The following SLCO1A2 variants were observed in gnomAD, a reference collection of about 807,000 sequenced individuals.
SLCO1A2 encodes the protein OATP-1.
A neutral mutation model predicts 69.0 loss-of-function variants in SLCO1A2; 67 were observed. The ratio of observed to expected loss-of-function variants is 0.97; its 90% CI spans 0.80 to 1.19. The LOEUF (loss-of-function observed/expected upper bound fraction) is 1.19. Among genes scored for constraint, SLCO1A2 ranks in the 50% most tolerant of loss-of-function variants. SLCO1A2 has a pLI of 0.00. For synonymous variants in SLCO1A2, 260 were observed against 265.9 expected (o/e 0.98, Z 0.22); for missense variants, 787 against 793.7 (o/e 0.99, Z 0.10).
Position 21,347,665 on chromosome 12 carries a change from A to AAAGAAAGGAAGGAAGG in SLCO1A2, c.-62-12972_-62-12957dup, listed in dbSNP as rs1555122057. Among the ~76,000 whole-genome samples the AAAGAAAGGAAGGAAGG allele has an allele frequency of 9.4e-4, 6 of 6,406 alleles. No individual in the cohort carries two copies. The East Asian group carries it at 0.017, about 18-fold the overall frequency. 4.2% of individuals were successfully genotyped at this position (6,406 alleles called of 152,430 possible). On this transcript the variant is annotated intron_variant, in intron 2 of 15. Coordinates refer to the SLCO1A2 transcript ENST00000307378. ...CTCTGGAAAGAAGGAAAGAAGAAAG[A>AAAGAAAGGAAGGAAGG]AAGAAAGGAAGGAAGGAAGGAAGGA...
At chr12:21,347,704 GAAAA>G (rs1176691266) in intron 2 of SLCO1A2, among the ~76,000 whole-genome samples, 2 of 142,976 alleles carry the variant, frequency 1.4e-5, no homozygotes, top group Non-Finnish European at 3.1e-5. Context: ...AAGGAAGAAG[GAAAA>G]AAGGAAGGAA....
intron 2 of SLCO1A2, among the ~76,000 whole-genome samples, chr12:21,366,422 C>T (rs1939390089): frequency 6.6e-6 from 1 of 152,012 alleles, no homozygotes; most frequent in East Asian, 1.9e-4. Flanking sequence ...GGAGGGATAG[C>T]ATTAGGAGAT....
intron 1 of SLCO1A2, chr12:21,379,993 A>C (rs771277860): frequency 6.6e-6 from 1 of 152,296 alleles, no homozygotes; most frequent in Non-Finnish European, 1.5e-5. Context: ...TGTGATGCTC[A>C]ATTGTTGGTC....
At position 21,275,230 on chromosome 12, in the gene SLCO1A2, A is replaced by C. The variant is rs1049690632; in HGVS notation, c.1675+130T>G. 9 of 886,282 alleles carry C rather than the reference A, an allele frequency of 1.0e-5. No individual in the cohort carries two copies. In the African/African-American group the frequency reaches 1.4e-4, roughly 14 times the overall value. The allele number at this position is 886,282 out of a possible 1,614,324, so 54.9% of individuals were successfully genotyped here. On this transcript the variant is annotated intron_variant, in intron 13 of 14. Coordinates refer to ENST00000683939, the MANE Select transcript of SLCO1A2 (RefSeq NM_001386879.1). Reference sequence around the variant, plus strand: ...ATGAGTTAATGGGTGCAGCACACCAACATGGCACATGTATACATATGTAAC... The same window carrying C: ...ATGAGTTAATGGGTGCAGCACACCACCATGGCACATGTATACATATGTAAC...
At chr12:21,275,657 T>A (rs956462241) in intron 12 of SLCO1A2, among the ~76,000 whole-genome samples, 1 of 152,220 alleles carries the variant, frequency 6.6e-6, no homozygotes, top group Non-Finnish European at 1.5e-5. Flanking sequence ...ACCTATTTTA[T>A]TGGTCAGGCG....
At chr12:21,380,663 A>G (rs1940527980) in intron 1 of SLCO1A2, among the ~76,000 whole-genome samples, 1 of 152,222 alleles carries the variant, frequency 6.6e-6, no homozygotes, top group Non-Finnish European at 1.5e-5. Context: ...TGGGAAAAAA[A>G]TAATGAGAAT....
At chr12:21,418,438 C>T (rs1190886662), upstream of SLCO1A2, among the ~76,000 whole-genome samples, 2 of 150,946 alleles carry the variant, frequency 1.3e-5, no homozygotes, top group African/African-American at 2.5e-5. Context: ...TAATGACATA[C>T]CTGAGACTGG....
At position 21,407,816 on chromosome 12, in the gene SLCO1A2, T is replaced by G. The variant is rs910025440; in HGVS notation, c.-312+10066A>C. 1.5e-4 allele frequency among the ~76,000 whole-genome samples: 3 copies of G among 19,388 alleles called. No individual in the cohort carries two copies. The South Asian group carries it at 8.9e-3, about 58-fold the overall frequency. The allele number at this position is 19,388 out of a possible 152,430, so 12.7% of individuals were successfully genotyped here. On this transcript the variant is annotated intron_variant, in intron 1 of 4. Coordinates refer to the SLCO1A2 transcript ENST00000413682. ...AGACCCTGTCTAATGAAAATAAAAA[T>G]AAATGAAAAAAAAAAAAAAAAGCCT...
At chr12:21,365,345 T>C (rs1365044526) in intron 2 of SLCO1A2, among the ~76,000 whole-genome samples, 1 of 152,216 alleles carries the variant, frequency 6.6e-6, no homozygotes, top group East Asian at 1.9e-4. Context: ...GCTAGCCATA[T>C]GTAGAAAGCT....
At chr12:21,330,279 G>T (rs960283259) in intron 2 of SLCO1A2, among the ~76,000 whole-genome samples, 3 of 152,044 alleles carry the variant, frequency 2.0e-5, no homozygotes, top group Admixed American at 2.0e-4. Flanking sequence ...GATCATTTTA[G>T]TCTAGGTGTT....
chr12:21,371,751 C>G (rs1266056934), intron 2 of SLCO1A2, among the ~76,000 whole-genome samples: 1 of 151,920 alleles, frequency 6.6e-6, no homozygotes, highest in African/African-American at 2.4e-5. Flanking sequence ...GCCTGTAATC[C>G]CAGCACTTTG....
intron 1 of SLCO1A2, among the ~76,000 whole-genome samples, chr12:21,384,646 G>C (rs1311666456): frequency 6.6e-6 from 1 of 151,636 alleles, no homozygotes; most frequent in East Asian, 1.9e-4. Context: ...TAAGTAGTTA[G>C]AAATCTTACC....
At chr12:21,356,144 A>C (rs1304591051) in intron 2 of SLCO1A2, among the ~76,000 whole-genome samples, 1 of 152,084 alleles carries the variant, frequency 6.6e-6, no homozygotes, top group Non-Finnish European at 1.5e-5. Flanking sequence ...TGTGACTTTG[A>C]GTATGTTACT....
chr12:21,375,208 T>G (rs1429439518), intron 1 of SLCO1A2, among the ~76,000 whole-genome samples: 2 of 152,206 alleles, frequency 1.3e-5, no homozygotes, highest in Non-Finnish European at 2.9e-5. Flanking sequence ...GTTATAAAAT[T>G]ATTTTGATGT....
At chr12:21,419,386 G>T (rs963201076), upstream of SLCO1A2, 5 of 153,262 alleles carry the variant, frequency 3.3e-5, no homozygotes, top group Middle Eastern at 3.1e-3. Context: ...CCGAAGCAGG[G>T]CGAGGCATTG....
chr12:21,341,620 G>A (rs2136982520), intron 2 of SLCO1A2, among the ~76,000 whole-genome samples: 1 of 151,992 alleles, frequency 6.6e-6, no homozygotes, highest in Admixed American at 6.6e-5. Flanking sequence ...TAGAAAACTG[G>A]CCTGAGGCAG....
chr12:21,351,677 CT>C (rs2137014091), intron 2 of SLCO1A2, among the ~76,000 whole-genome samples: 1 of 151,702 alleles, frequency 6.6e-6, no homozygotes, highest in African/African-American at 2.4e-5. Context: ...ACTCAGGAGG[CT>C]GAGGCAGGAG....
At chr12:21,310,497 TG>T (rs1173587731) in intron 4 of SLCO1A2, among the ~76,000 whole-genome samples, 23 of 152,238 alleles carry the variant, frequency 1.5e-4, no homozygotes, top group Admixed American at 1.3e-3. Context: ...CTGAAGGTTG[TG>T]GGGGCTGTGG....
At chr12:21,389,635 C>T (rs1041012810) in intron 1 of SLCO1A2, among the ~76,000 whole-genome samples, 5 of 151,846 alleles carry the variant, frequency 3.3e-5, no homozygotes, top group African/African-American at 4.8e-5. Context: ...GATTTTTTGA[C>T]ATGACATTAT....
Sources: allele counts gnomAD v4.1 joint callset (sites outside exome capture counted in the v4.1 genomes callset), GRCh38; gene constraint gnomAD v4.1.1; transcripts MANE v1.5; gene names NCBI Gene and HGNC (gene_info 2026-07-23, HGNC 2026-07-21).